AMMECR1: variants seen among roughly 807,000 people sequenced by gnomAD.
The protein encoded by AMMECR1 is nuclear protein AMMECR1.
AMMECR1 carries 3 observed loss-of-function variants against 22.5 expected under a neutral mutation model. That is an observed-to-expected ratio of 0.13 (90% CI 0.06 to 0.35). The LOEUF is 0.35. Among genes scored for constraint, AMMECR1 ranks in the 10% least tolerant of loss-of-function variants. The pLI, the probability that AMMECR1 is intolerant of heterozygous loss-of-function variation, is 1.00. For missense variants in AMMECR1, 235 were observed against 278.7 expected (o/e 0.84, Z 1.12); for synonymous variants, 130 against 116.7 (o/e 1.11, Z -0.74).
At chrX:110,282,743 G>A (rs993521021) in intron 1 of AMMECR1, among the ~76,000 whole-genome samples, 9 of 111,827 alleles carry the variant, frequency 8.0e-5, no homozygotes, top group Non-Finnish European at 1.3e-4. Flanking sequence ...CACCATGAGA[G>A]ATTATGCCTT....
At chrX:110,324,268 A>G (rs764756575) in intron 2 of AMMECR1, among the ~76,000 whole-genome samples, 1 of 111,668 alleles carries the variant, frequency 9.0e-6, no homozygotes, top group Non-Finnish European at 1.9e-5. Flanking sequence ...AAGTGCTGGG[A>G]TTACAGGCGT....
chrX:110,239,393 C>T (rs896124975), intron 2 of AMMECR1, among the ~76,000 whole-genome samples: 4 of 110,178 alleles, frequency 3.6e-5, no homozygotes, highest in East Asian at 2.9e-4. Context: ...ATGAGAACTT[C>T]GTGAAGCATA....
Position 110,317,703 on chromosome X carries a change from C to A in AMMECR1, c.369G>T (p.Lys123Asn), listed in dbSNP as rs375698049. The A allele has an allele frequency of 1.3e-5, 16 of 1,204,772 alleles. No individual in the cohort carries two copies. In the African/African-American group the frequency reaches 2.8e-4, roughly 21 times the overall value. The part of the protein sequence containing the change: ...AASSSSPGSR[K>N]MVVSAEMCCF... ...AGCACATCTCTGCTGACACCACCAT[C>A]TTCCGGGAGCCCGGCGATGAGGACG... is the stretch of plus-strand genomic sequence containing the variant. The change falls in exon 1 of 6, where the codon AAG becomes AAT. Residue 123 changes from lysine (K) to asparagine (N), a missense_variant. Physicochemically the swap from Lys to Asn is moderately conservative, Grantham distance 94 (BLOSUM62 0). Transcript: ENST00000262844.
At chrX:110,381,032 G>A (rs1336526194) in intron 2 of AMMECR1, among the ~76,000 whole-genome samples, 2 of 112,096 alleles carry the variant, frequency 1.8e-5, no homozygotes, top group African/African-American at 3.2e-5. Flanking sequence ...ATCAGCCTAG[G>A]CAAAGAATTT....
chrX:110,389,192 T>A (rs1227841462), intron 2 of AMMECR1, among the ~76,000 whole-genome samples: 1 of 112,646 alleles, frequency 8.9e-6, no homozygotes, highest in African/African-American at 3.2e-5. Flanking sequence ...GCACTGCAAA[T>A]CTCCAAGGAA....
chrX:110,307,292 G>T (rs747207841), intron 1 of AMMECR1: 1 of 108,663 alleles, frequency 9.2e-6, no homozygotes, highest in Non-Finnish European at 1.9e-5. Context: ...ACATGTATAT[G>T]ATAAAAGATA....
chrX:110,343,296 G>A (rs930062894), intron 2 of AMMECR1, among the ~76,000 whole-genome samples: 13 of 111,646 alleles, frequency 1.2e-4, no homozygotes, highest in South Asian at 3.7e-4. Context: ...TCAACAGCCC[G>A]TCATGCTAAA....
At chrX:110,207,891 T>C (rs2067429373) in intron 3 of AMMECR1, among the ~76,000 whole-genome samples, 2 of 111,386 alleles carry the variant, frequency 1.8e-5, no homozygotes, top group African/African-American at 6.5e-5. Flanking sequence ...TCCCAGCTAC[T>C]TGGGAGGCTG....
At chrX:110,382,337 C>A (rs1198308068) in intron 2 of AMMECR1, among the ~76,000 whole-genome samples, 3 of 108,846 alleles carry the variant, frequency 2.8e-5, no homozygotes, top group African/African-American at 6.7e-5. Flanking sequence ...AAAAAAAAAA[C>A]CCAGCAACCC....
At chrX:110,299,075 A>G (rs1221501937) in intron 1 of AMMECR1, among the ~76,000 whole-genome samples, 1 of 111,857 alleles carries the variant, frequency 8.9e-6, no homozygotes, top group Non-Finnish European at 1.9e-5. Flanking sequence ...TAAAGTTAAT[A>G]TGTGTGAATG....
chrX:110,392,307 C>T (rs1035220839), intron 2 of AMMECR1, among the ~76,000 whole-genome samples: 14 of 95,831 alleles, frequency 1.5e-4, no homozygotes, highest in Non-Finnish European at 2.5e-4. Context: ...GACAAGGTCT[C>T]ACTCTATCAC....
intron 2 of AMMECR1, among the ~76,000 whole-genome samples, chrX:110,258,617 A>C (rs1290363036): frequency 8.9e-6 from 1 of 112,398 alleles, no homozygotes; most frequent in African/African-American, 3.2e-5. Context: ...TAAACTAATT[A>C]ATTTTGCATT....
intron 1 of AMMECR1, among the ~76,000 whole-genome samples, chrX:110,288,686 C>G (rs975318226): frequency 2.7e-5 from 3 of 111,909 alleles, no homozygotes; most frequent in African/African-American, 9.7e-5. Flanking sequence ...AGTTAAATGC[C>G]AAACTATACC....
chrX:110,439,329 C>A (rs2068862631), intron 1 of AMMECR1, among the ~76,000 whole-genome samples: 1 of 112,209 alleles, frequency 8.9e-6, no homozygotes, highest in Non-Finnish European at 1.9e-5. Context: ...TGAAAGGGAC[C>A]ATTCGTGGGA....
intron 2 of AMMECR1, among the ~76,000 whole-genome samples, chrX:110,408,346 C>G (rs974448402): frequency 5.4e-5 from 6 of 111,887 alleles, no homozygotes; most frequent in Non-Finnish European, 1.1e-4. Flanking sequence ...CCCTAGGGGA[C>G]TTTTGGAAAA....
chrX:110,437,834 T>G (rs184370395), intron 1 of AMMECR1, among the ~76,000 whole-genome samples: 40 of 111,785 alleles, frequency 3.6e-4, no homozygotes, highest in African/African-American at 1.2e-3. Context: ...TTGTTCCATC[T>G]ACTGAGGCCT....
At chrX:110,303,148 G>T (rs1366602023) in intron 1 of AMMECR1, among the ~76,000 whole-genome samples, 4 of 111,834 alleles carry the variant, frequency 3.6e-5, no homozygotes, top group Non-Finnish European at 7.5e-5. Flanking sequence ...CTCCTCTTCT[G>T]TAAGAACTTA....
chrX:110,428,527 G>C (rs2068770654), intron 1 of AMMECR1, among the ~76,000 whole-genome samples: 1 of 111,272 alleles, frequency 9.0e-6, no homozygotes, highest in Non-Finnish European at 1.9e-5. Context: ...TTTCTGTCCA[G>C]GCCCCCGTTG....
chrX:110,353,939 T>C (rs1291140856), intron 2 of AMMECR1, among the ~76,000 whole-genome samples: 1 of 111,958 alleles, frequency 8.9e-6, no homozygotes, highest in South Asian at 3.7e-4. Context: ...AAAAATAAAA[T>C]GTTTAGAAGT....
Sources: allele counts gnomAD v4.1 joint callset (sites outside exome capture counted in the v4.1 genomes callset), GRCh38; gene constraint gnomAD v4.1.1; transcripts MANE v1.5; gene names NCBI Gene and HGNC (gene_info 2026-07-23, HGNC 2026-07-21).